Variants in CHD2 observed in about 807,000 individuals in gnomAD.
CHD2 encodes the protein chromodomain helicase DNA binding protein 2.
A neutral mutation model predicts 243.9 loss-of-function variants in CHD2; 28 were observed. That is an observed-to-expected ratio of 0.11 (90% CI 0.09 to 0.16). The LOEUF is 0.16. CHD2 is among the 10% of genes least tolerant of loss of function. The pLI is 1.00. For synonymous variants in CHD2, 775 were observed against 779.0 expected, an observed-to-expected ratio of 0.99 and a Z score of 0.09; for missense variants, 1,386 against 2,209.8, an observed-to-expected ratio of 0.63 and a Z score of 7.47.
At chr15:92,955,366 T>C (rs1015542941) in intron 14 of CHD2, 57 bp from the exon 15 acceptor site, 11 of 1,028,256 alleles carry the variant, frequency 1.1e-5, no homozygotes, top group Admixed American at 3.1e-5. Context: ...ACAAAACTTA[T>C]GTGATATAGA....
At chr15:93,016,796 T>A (rs200412522) in intron 37 of CHD2, among the ~76,000 whole-genome samples, 5 of 50,650 alleles carry the variant, frequency 9.9e-5, no homozygotes, top group African/African-American at 2.3e-4. Flanking sequence ...AAAAAAAAAT[T>A]GCAGTTTTGA....
At chr15:92,991,620 A>T (rs2054120866) in intron 27 of CHD2, 103 bp downstream of exon 27, 15 of 719,632 alleles carry the variant, frequency 2.1e-5, no homozygotes, top group Non-Finnish European at 2.2e-5. Context: ...TGCTGGGAAC[A>T]TTTTTTTTTC....
intron 22 of CHD2, 35 bp downstream of exon 22, chr15:92,979,318 CA>C: frequency 6.2e-7 from 1 of 1,606,228 alleles, no homozygotes; most frequent in Non-Finnish European, 8.5e-7. Context: ...TAGGCAGAAT[CA>C]AATTGATTCT....
chr15:92,966,080 T>TA (rs1357965642), intron 16 of CHD2, among the ~76,000 whole-genome samples: 4 of 150,214 alleles, frequency 2.7e-5, no homozygotes, highest in Non-Finnish European at 5.9e-5. Context: ...TTTTTTTTTT[T>TA]TTTGAGACAG....
At chr15:92,962,970 C>G (rs1469561732) in intron 16 of CHD2, among the ~76,000 whole-genome samples, 1 of 152,118 alleles carries the variant, frequency 6.6e-6, no homozygotes, top group Non-Finnish European at 1.5e-5. Context: ...TCTTCTGATT[C>G]CTGTTTGCAT....
At chr15:92,914,719 GACA>G (rs1329354644) in intron 2 of CHD2, among the ~76,000 whole-genome samples, 2 of 152,084 alleles carry the variant, frequency 1.3e-5, no homozygotes, top group African/African-American at 2.4e-5. Flanking sequence ...GCTGTCAAAA[GACA>G]ACATTTCAAC....
chr15:92,981,290 C>T (rs1315129136), intron 23 of CHD2, 75 bp from the exon 24 acceptor site: 13 of 960,154 alleles, frequency 1.4e-5, no homozygotes, highest in Admixed American at 1.1e-4. Flanking sequence ...TTAGTAAATA[C>T]GAATAATTTC....
chr15:92,945,811 A>C lies in CHD2; in HGVS notation c.1154-10A>C. 6.6e-7 allele frequency: 1 copy of C among 1,515,914 alleles called. No homozygotes were observed. The highest frequency in any genetic ancestry group is 8.9e-7 in the Non-Finnish European group (1 of 1,124,722). 93.9% of individuals were successfully genotyped at this position (1,515,914 alleles called of 1,614,324 possible). On this transcript the variant is annotated splice_polypyrimidine_tract_variant and intron_variant, in intron 10 of 38. Transcript: ENST00000394196. ...TTATAACTTTTCTGTCTTATTTTTT[A>C]TTTGTTTAGCTGTGAAGACAAGTAA...
chr15:93,006,124 C>CTTTT (rs55820002), intron 34 of CHD2, among the ~76,000 whole-genome samples: 56 of 125,272 alleles, frequency 4.5e-4, no homozygotes, highest in South Asian at 2.0e-3. Flanking sequence ...CTCTCTCTCT[C>CTTTT]TTTTTTTTTT....
chr15:92,907,136 A>T (rs12906861), intron 2 of CHD2, among the ~76,000 whole-genome samples: 42,004 of 151,896 alleles, frequency 0.28, 6,938 homozygotes, highest in Non-Finnish European at 0.37. Flanking sequence ...GTCTAGGGGG[A>T]GAGACATTTT....
intron 28 of CHD2, among the ~76,000 whole-genome samples, chr15:92,996,503 A>G (rs1214651697): frequency 6.6e-6 from 1 of 152,106 alleles, no homozygotes; most frequent in African/African-American, 2.4e-5. Context: ...TCATCATTTC[A>G]CATGTGTTAG....
At chr15:92,951,280 C>T (rs1035056151) in intron 13 of CHD2, among the ~76,000 whole-genome samples, 1 of 152,154 alleles carries the variant, frequency 6.6e-6, no homozygotes, top group Non-Finnish European at 1.5e-5. Flanking sequence ...ACGTGATTCT[C>T]CTGCCTCAGG....
chr15:92,981,270 CCAAA>C, intron 23 of CHD2, 91 bp from the exon 24 acceptor site: 3 of 812,360 alleles, frequency 3.7e-6, no homozygotes, highest in Non-Finnish European at 6.1e-6. Context: ...TTTATTTGCA[CCAAA>C]CATTTTTAGT....
intron 28 of CHD2, among the ~76,000 whole-genome samples, 186 bp from the exon 29 acceptor site, chr15:92,996,771 A>T (rs187022281): frequency 6.6e-5 from 10 of 152,328 alleles, no homozygotes; most frequent in Admixed American, 1.3e-4. Context: ...TAAAAGACTG[A>T]ATGTTCAGAG....
chr15:93,004,460 TG>T (rs774533606), intron 33 of CHD2, 156 bp from the exon 34 acceptor site: 2 of 591,128 alleles, frequency 3.4e-6, no homozygotes, highest in Non-Finnish European at 5.5e-6. Flanking sequence ...CAGACAGGTT[TG>T]TCTTCATGAT....
intron 36 of CHD2, 31 bp downstream of exon 36, chr15:93,012,475 A>C: frequency 6.9e-7 from 1 of 1,442,450 alleles, no homozygotes; most frequent in Non-Finnish European, 9.5e-7. Context: ...TAATTCATAC[A>C]AACAAATACC....
In CHD2 at chr15:93,004,646, T is replaced by C; in HGVS notation, c.4308T>C (p.Ser1436=). The change falls in exon 34 of 39, where the codon AGT becomes AGC. Residue 1436 remains serine (S), a synonymous_variant. Transcript: ENST00000394196. ...KPKSGDAKSS[S]KSKRSQGPVH... ...AAAGTGGTGATGCCAAATCTTCGAG[T>C]AAATCAAAGCGATCTCAGGGTCCTG... The C allele has an allele frequency of 1.2e-6, 2 of 1,612,664 alleles. No individual in the cohort carries two copies. The highest frequency in any genetic ancestry group is 1.7e-6 in the Non-Finnish European group (2 of 1,179,214).
intron 4 of CHD2, among the ~76,000 whole-genome samples, chr15:92,928,583 C>T (rs2053108404): frequency 1.3e-5 from 2 of 152,208 alleles, no homozygotes; most frequent in East Asian, 1.9e-4. Context: ...TTGATAGTCT[C>T]AATCTGCAGT....
chr15:92,922,715 A>G (rs936768150), intron 2 of CHD2, among the ~76,000 whole-genome samples: 11 of 152,198 alleles, frequency 7.2e-5, no homozygotes, highest in African/African-American at 2.4e-4. Flanking sequence ...CCTCAGAGCA[A>G]AGATGGGTAG....
Sources: allele counts gnomAD v4.1 joint callset (sites outside exome capture counted in the v4.1 genomes callset), GRCh38; gene constraint gnomAD v4.1.1; transcripts MANE v1.5; gene names NCBI Gene and HGNC (gene_info 2026-07-23, HGNC 2026-07-21).